SLC11A2: variants seen among roughly 807,000 people sequenced by gnomAD.
The protein encoded by SLC11A2 is natural resistance-associated macrophage protein 2.
Under a neutral mutation model 68.0 loss-of-function variants are expected in SLC11A2, and 38 were observed. The observed-to-expected ratio is 0.56, with a 90% confidence interval of 0.43 to 0.73. SLC11A2 has a LOEUF of 0.73. Among genes scored for constraint, SLC11A2 ranks in the 30% least tolerant of loss-of-function variants. SLC11A2 has a pLI of 0.00. For synonymous variants in SLC11A2, 242 were observed against 250.6 expected (o/e 0.97, Z 0.32); for missense variants, 517 against 690.5 (o/e 0.75, Z 2.82).
the SLC11A2 span, among the ~76,000 whole-genome samples, chr12:50,969,718 A>C: frequency 2.0e-5 from 3 of 148,114 alleles, no homozygotes; most frequent in Non-Finnish European, 4.5e-5. Context: ...AAAAAAAACA[A>C]AAACAAAACG....
downstream of SLC11A2, chr12:50,979,609 T>C: frequency 3.2e-6 from 1 of 313,060 alleles, no homozygotes; most frequent in South Asian, 2.9e-5. Context: ...CTGATGTGAA[T>C]TCAGTCTCAG....
the SLC11A2 span, among the ~76,000 whole-genome samples, chr12:50,964,120 T>C: frequency 2.4e-3 from 366 of 151,618 alleles, 1 homozygote; most frequent in African/African-American, 8.5e-3. Flanking sequence ...TTATGTTAGA[T>C]GATAGGTAAA....
the SLC11A2 span, among the ~76,000 whole-genome samples, chr12:50,965,595 C>A: frequency 6.6e-6 from 1 of 152,184 alleles, no homozygotes; most frequent in Non-Finnish European, 1.5e-5. Context: ...CCAGGCTTGA[C>A]TATGAAACAG....
At chr12:51,016,207 C>T (rs1313130744) in intron 1 of SLC11A2, among the ~76,000 whole-genome samples, 1 of 152,122 alleles carries the variant, frequency 6.6e-6, no homozygotes, top group Admixed American at 6.5e-5. Context: ...TCAAGACCAG[C>T]CTGGGCAACA....
chr12:50,993,753 G>A (rs768680510), intron 11 of SLC11A2, among the ~76,000 whole-genome samples: 45 of 151,734 alleles, frequency 3.0e-4, no homozygotes, highest in Non-Finnish European at 5.9e-4. Context: ...ACTTGAACCC[G>A]GAAGGCAGAG....
chr12:51,009,130 C>G lies in SLC11A2; in HGVS notation c.35-506G>C, dbSNP rs752559871. 182 of 1,519,990 alleles carry G rather than the reference C, an allele frequency of 1.2e-4. No homozygotes were observed. The Middle Eastern group carries it at 1.5e-3, about 13-fold the overall frequency. The allele number at this position is 1,519,990 out of a possible 1,614,324, so 94.2% of individuals were successfully genotyped here. On this transcript the variant is annotated intron_variant, in intron 2 of 15. Transcript: ENST00000262052. ...GGTAGGACTTACTCAAATAATCGAC[C>G]GTGGACATTATACCTCCATCAGACT...
At chr12:51,016,568 G>A (rs1320153717) in intron 1 of SLC11A2, among the ~76,000 whole-genome samples, 1 of 151,986 alleles carries the variant, frequency 6.6e-6, no homozygotes, top group Non-Finnish European at 1.5e-5. Flanking sequence ...TGTAATCCCA[G>A]CTACTCAGGA....
chr12:50,976,829 C>T (rs12306247), downstream of SLC11A2, among the ~76,000 whole-genome samples: 179 of 152,274 alleles, frequency 1.2e-3, 1 homozygote, highest in African/African-American at 3.9e-3. Flanking sequence ...GCAAAAATCA[C>T]AAGCATTCTT....
Position 50,990,792 on chromosome 12 carries a change from T to C in SLC11A2, c.1575+3A>G. 1 of 1,613,954 alleles carries C rather than the reference T, an allele frequency of 6.2e-7. No homozygotes were observed. The highest frequency in any genetic ancestry group is 8.5e-7 in the Non-Finnish European group (1 of 1,179,946). The stretch of plus-strand genomic sequence containing the variant: ...TGCCCCTGCTCTTCCAGGCTAGACT[T>C]ACCAAGTAGAACACAAAGCCCAGAT... On this transcript the variant is annotated splice_donor_region_variant and intron_variant, in intron 15 of 15. Transcript: ENST00000262052.
chr12:50,988,993 C>T (rs1049865567), intron 15 of SLC11A2, among the ~76,000 whole-genome samples: 7 of 152,140 alleles, frequency 4.6e-5, no homozygotes, highest in South Asian at 2.1e-4. Context: ...AAATTACAAG[C>T]GTGAGCCACC....
chr12:50,981,700 T>G, downstream of SLC11A2: 1 of 1,468,856 alleles, frequency 6.8e-7, no homozygotes, highest in South Asian at 1.2e-5. Flanking sequence ...AAAAACATGT[T>G]CTTATAGAGT....
At chr12:51,028,305 A>G, upstream of SLC11A2, 1 of 1,150,080 alleles carries the variant, frequency 8.7e-7, no homozygotes, top group Non-Finnish European at 1.2e-6. Context: ...TCAGTTAGAT[A>G]AAGGGCACTT....
chr12:51,021,462 C>A (rs1944037026), intron 1 of SLC11A2, among the ~76,000 whole-genome samples: 1 of 152,100 alleles, frequency 6.6e-6, no homozygotes, highest in Non-Finnish European at 1.5e-5. Flanking sequence ...CCCATCTCTA[C>A]TAAAAATACA....
chr12:50,960,849 A>AT, the SLC11A2 span: 52,558 of 631,824 alleles, frequency 0.083, 211 homozygotes, highest in African/African-American at 0.12. Flanking sequence ...TGTGTGGCTA[A>AT]TTTTTTTTTT....
At chr12:50,964,407 T>C in the SLC11A2 span, among the ~76,000 whole-genome samples, 2 of 152,240 alleles carry the variant, frequency 1.3e-5, no homozygotes. Context: ...CTGTGTTGGA[T>C]TTAGTTTTCC....
chr12:51,003,708 G>A (rs1163269808), intron 5 of SLC11A2, among the ~76,000 whole-genome samples: 1 of 149,170 alleles, frequency 6.7e-6, no homozygotes, highest in Non-Finnish European at 1.5e-5. Context: ...TGGGAGGACT[G>A]CCTGAGCCCA....
chr12:50,960,910 T>TTTTTA, the SLC11A2 span: 2 of 1,409,224 alleles, frequency 1.4e-6, no homozygotes, highest in Non-Finnish European at 1.9e-6. Flanking sequence ...AAACTCCTGG[T>TTTTTA]CTCACACGAT....
chr12:50,993,191 T>A (rs1481017783), intron 11 of SLC11A2: 9 of 214,042 alleles, frequency 4.2e-5, no homozygotes, highest in South Asian at 6.6e-5. Flanking sequence ...TCTTAAATAT[T>A]AAAAAAAAAA....
Position 51,005,455 on chromosome 12 carries a change from G to T in SLC11A2, c.184-19C>A. The T allele has an allele frequency of 1.2e-6, 2 of 1,613,062 alleles. No homozygotes were observed. Among genetic ancestry groups the T allele is most frequent in the South Asian group, 2.2e-5 (2 of 90,952 alleles). On this transcript the variant is annotated intron_variant, in intron 3 of 15. Transcript: ENST00000262052. ...AAGAGTACTGTACAAGAGAGGAAAA[G>T]AGATTAAACTGAACATCACCATTGA...
Sources: gnomAD v4.1 joint callset for allele counts (sites outside exome capture counted in the v4.1 genomes callset) on GRCh38, gnomAD v4.1.1 for gene constraint, MANE v1.5 for transcripts, NCBI Gene and HGNC (gene_info 2026-07-23, HGNC 2026-07-21) for gene names.